Variants in ATF6 observed in about 807,000 individuals in gnomAD.
The protein encoded by ATF6 is activating transcription factor 6.
A neutral mutation model predicts 83.6 loss-of-function variants in ATF6; 53 were observed. That is an observed-to-expected ratio of 0.63 (90% CI 0.51 to 0.80). The LOEUF (loss-of-function observed/expected upper bound fraction) is 0.80, where lower values mean the gene tolerates loss of function less well. Ranked by LOEUF, ATF6 falls within the 30% of genes least tolerant of loss-of-function variation. The pLI is 0.00. For synonymous variants in ATF6, 288 were observed against 285.8 expected, an observed-to-expected ratio of 1.01 and a Z score of -0.08; for missense variants, 744 against 797.9, an observed-to-expected ratio of 0.93 and a Z score of 0.81.
chr1:161,802,310 T>A (rs1272420984), intron 7 of ATF6, 38 bp downstream of exon 7: 2 of 1,571,198 alleles, frequency 1.3e-6, no homozygotes, highest in Non-Finnish European at 1.7e-6. Flanking sequence ...TAATGCCTGA[T>A]TTAAAAACCA....
chr1:161,914,582 A>G (rs921955888), intron 15 of ATF6, among the ~76,000 whole-genome samples: 14 of 152,120 alleles, frequency 9.2e-5, no homozygotes, highest in African/African-American at 3.1e-4. Flanking sequence ...CCTTATCATC[A>G]TCAACAGCAG....
intron 14 of ATF6, among the ~76,000 whole-genome samples, chr1:161,901,102 ATACAT>A (rs2101879418): frequency 6.6e-6 from 1 of 152,266 alleles, no homozygotes; most frequent in Non-Finnish European, 1.5e-5. Flanking sequence ...TCTGTCTGTC[ATACAT>A]ATGAAATATT....
intron 14 of ATF6, among the ~76,000 whole-genome samples, chr1:161,902,515 C>T (rs1687807237): frequency 6.6e-6 from 1 of 152,178 alleles, no homozygotes; most frequent in Non-Finnish European, 1.5e-5. Flanking sequence ...AGCAGTTTGG[C>T]TTTGCTTTTT....
At chr1:161,866,404 G>T (rs76672018) in intron 14 of ATF6, among the ~76,000 whole-genome samples, 1 of 152,080 alleles carries the variant, frequency 6.6e-6, no homozygotes, top group Non-Finnish European at 1.5e-5. Context: ...CACACTCTTG[G>T]ATAACTACTG....
intron 2 of ATF6, among the ~76,000 whole-genome samples, chr1:161,780,051 T>C (rs904167353): frequency 1.3e-5 from 2 of 152,122 alleles, no homozygotes; most frequent in Admixed American, 1.3e-4. Flanking sequence ...GCTGCTTAAT[T>C]TTTTGATGTG....
At chr1:161,897,316 C>G (rs1396871068) in intron 14 of ATF6, among the ~76,000 whole-genome samples, 2 of 151,722 alleles carry the variant, frequency 1.3e-5, no homozygotes, top group Admixed American at 6.6e-5. Flanking sequence ...CACCTGTAGT[C>G]CCAGCTACTC....
chr1:161,890,494 G>GT lies in ATF6; in HGVS notation c.1720-21801dup, dbSNP rs768315150. On this transcript the variant is annotated intron_variant, in intron 14 of 15. Coordinates refer to ENST00000367942, the MANE Select transcript of ATF6 (RefSeq NM_007348.4). ...GATTGTCGATTTGTTGAGCTCCCAT[G>GT]TAAGTATGCCGCCTTGCCATTGACA... 5.9e-5 allele frequency among the ~76,000 whole-genome samples: 9 copies of GT among 152,330 alleles called. No homozygotes were observed. The South Asian group carries it at 1.9e-3, about 32-fold the overall frequency.
At chr1:161,840,533 G>A (rs1421782948) in intron 9 of ATF6, 1 of 152,182 alleles carries the variant, frequency 6.6e-6, no homozygotes, top group African/African-American at 2.4e-5. Flanking sequence ...GCAAGGAGTA[G>A]AATAGACTTG....
In ATF6 at chr1:161,958,859, G is replaced by A. The variant is rs1206488703; in HGVS notation, c.*205G>A. ...GGAAAGCACTGGAATTCAGATGCAA[G>A]AGAACAATGTTTCTTCAGTGGCAAA... On this transcript the variant is annotated 3_prime_UTR_variant, in exon 16 of 16. Transcript: ENST00000367942. 3 of 492,106 alleles carry A rather than the reference G, an allele frequency of 6.1e-6. No individual in the cohort carries two copies. Among genetic ancestry groups the A allele is most frequent in the Non-Finnish European group, 1.1e-5 (3 of 281,368 alleles). 30.5% of individuals were successfully genotyped at this position (492,106 alleles called of 1,614,324 possible).
chr1:161,819,162 G>C (rs538084243), intron 7 of ATF6, among the ~76,000 whole-genome samples: 40 of 152,234 alleles, frequency 2.6e-4, no homozygotes, highest in African/African-American at 9.6e-4. Context: ...GATAGAAAAT[G>C]GATAGATTTT....
At chr1:161,863,145 G>A in intron 13 of ATF6, 53 bp from the exon 14 acceptor site, 1 of 1,104,578 alleles carries the variant, frequency 9.1e-7, no homozygotes, top group East Asian at 2.5e-5. Context: ...AAGTATTTTG[G>A]GAAAACAGGA....
At chr1:161,803,789 C>A (rs1474758006) in intron 7 of ATF6, among the ~76,000 whole-genome samples, 1 of 151,948 alleles carries the variant, frequency 6.6e-6, no homozygotes, top group African/African-American at 2.4e-5. Flanking sequence ...GGGAGACCAA[C>A]CAGGTTAAGA....
At chr1:161,861,235 T>C (rs1237700052) in intron 13 of ATF6, among the ~76,000 whole-genome samples, 1 of 152,224 alleles carries the variant, frequency 6.6e-6, no homozygotes, top group Non-Finnish European at 1.5e-5. Flanking sequence ...AGTTCACTTA[T>C]ATGAATTTAA....
At chr1:161,885,294 C>T (rs1042212445) in intron 14 of ATF6, among the ~76,000 whole-genome samples, 4 of 152,136 alleles carry the variant, frequency 2.6e-5, no homozygotes, top group African/African-American at 9.7e-5. Flanking sequence ...GCCAGCATCA[C>T]CCCATTCCTT....
intron 1 of ATF6, among the ~76,000 whole-genome samples, chr1:161,777,086 A>G (rs1003913093): frequency 3.9e-5 from 6 of 152,238 alleles, no homozygotes; most frequent in Non-Finnish European, 7.3e-5. Context: ...GATGAGGACT[A>G]TGAGTTTACC....
At chr1:161,939,383 G>A (rs1688600840) in intron 15 of ATF6, among the ~76,000 whole-genome samples, 1 of 152,142 alleles carries the variant, frequency 6.6e-6, no homozygotes, top group Non-Finnish European at 1.5e-5. Context: ...TGTTACATAT[G>A]TATACATGTG....
At chr1:161,866,473 G>A (rs533770664) in intron 14 of ATF6, among the ~76,000 whole-genome samples, 8 of 152,286 alleles carry the variant, frequency 5.3e-5, no homozygotes, top group African/African-American at 1.4e-4. Context: ...CCAGACAAAG[G>A]TCCAAAGTGC....
intron 15 of ATF6, among the ~76,000 whole-genome samples, chr1:161,944,076 A>G (rs1476846308): frequency 2.0e-5 from 3 of 152,198 alleles, no homozygotes; most frequent in Non-Finnish European, 4.4e-5. Flanking sequence ...TTTCCCCAAA[A>G]TGATATGGTA....
At chr1:161,944,624 G>T (rs951889449) in intron 15 of ATF6, among the ~76,000 whole-genome samples, 1 of 152,178 alleles carries the variant, frequency 6.6e-6, no homozygotes, top group Admixed American at 6.5e-5. Context: ...TCACTGTGTT[G>T]TATTGCAGGA....
Sources: gnomAD v4.1 joint callset for allele counts (sites outside exome capture counted in the v4.1 genomes callset) on GRCh38, gnomAD v4.1.1 for gene constraint, MANE v1.5 for transcripts, NCBI Gene and HGNC (gene_info 2026-07-23, HGNC 2026-07-21) for gene names.